Variants in LYPLAL1 observed in about 807,000 individuals in gnomAD.
LYPLAL1 encodes the protein lysophospholipase like 1, also known as lysophospholipase-like protein 1.
A neutral mutation model predicts 19.7 loss-of-function variants in LYPLAL1; 23 were observed. That is an observed-to-expected ratio of 1.17 (90% CI 0.84 to 1.65). The LOEUF (loss-of-function observed/expected upper bound fraction) is 1.65. Ranked by LOEUF, LYPLAL1 falls within the 40% of genes most tolerant of loss-of-function variation. The probability of loss-of-function intolerance (pLI) is 0.00; values close to 1 mark genes in which losing one functional copy is unlikely to be tolerated. For synonymous variants in LYPLAL1, 119 were observed against 96.3 expected, an observed-to-expected ratio of 1.24 and a Z score of -1.38; for missense variants, 355 against 279.4, an observed-to-expected ratio of 1.27 and a Z score of -1.93.
the LYPLAL1 span, among the ~76,000 whole-genome samples, chr1:219,232,153 A>G: frequency 6.6e-6 from 1 of 152,128 alleles, no homozygotes; most frequent in African/African-American, 2.4e-5. Context: ...GGTATTTTTT[A>G]CTACCTGTGT....
the LYPLAL1 span, among the ~76,000 whole-genome samples, chr1:219,251,025 A>T: frequency 6.6e-6 from 1 of 151,932 alleles, no homozygotes; most frequent in Non-Finnish European, 1.5e-5. Context: ...GTATCTCATT[A>T]TGGCTTTGAT....
chr1:219,211,309 A>T (rs1390922348), intron 4 of LYPLAL1, among the ~76,000 whole-genome samples, 183 bp from the exon 5 acceptor site: 1 of 152,084 alleles, frequency 6.6e-6, no homozygotes, highest in Non-Finnish European at 1.5e-5. Flanking sequence ...GATGCCAGGA[A>T]CCAGCTAAGT....
chr1:219,332,230 A>G, the LYPLAL1 span, among the ~76,000 whole-genome samples: 1 of 152,142 alleles, frequency 6.6e-6, no homozygotes, highest in Non-Finnish European at 1.5e-5. Context: ...ATGTGGGATA[A>G]GGGAGAGGAT....
At chr1:219,230,842 G>A in the LYPLAL1 span, among the ~76,000 whole-genome samples, 8 of 152,262 alleles carry the variant, frequency 5.3e-5, no homozygotes, top group South Asian at 2.1e-4. Flanking sequence ...ACTAGCCACC[G>A]TTCTAGCCCA....
the LYPLAL1 span, among the ~76,000 whole-genome samples, chr1:219,324,719 G>T: frequency 6.6e-6 from 1 of 152,188 alleles, no homozygotes; most frequent in Non-Finnish European, 1.5e-5. Flanking sequence ...GTGTGTGTAT[G>T]TGTGTGTTGG....
At chr1:219,429,165 G>C in the LYPLAL1 span, among the ~76,000 whole-genome samples, 2 of 152,282 alleles carry the variant, frequency 1.3e-5, no homozygotes, top group Admixed American at 1.3e-4. Context: ...GCTTTTCAGA[G>C]CTGGAAATAC....
At chr1:219,315,774 A>T in the LYPLAL1 span, among the ~76,000 whole-genome samples, 10 of 152,208 alleles carry the variant, frequency 6.6e-5, no homozygotes, top group African/African-American at 2.4e-4. Context: ...TTCAGAGACA[A>T]ATAAGGAAAC....
chr1:219,314,927 T>C, the LYPLAL1 span, among the ~76,000 whole-genome samples: 1 of 145,938 alleles, frequency 6.9e-6, no homozygotes, highest in Non-Finnish European at 1.5e-5. Context: ...GAAAACAGTG[T>C]CTTAAAAGAA....
At chr1:219,292,454 G>A in the LYPLAL1 span, among the ~76,000 whole-genome samples, 4 of 152,194 alleles carry the variant, frequency 2.6e-5, no homozygotes, top group African/African-American at 7.2e-5. Flanking sequence ...AAGCTCAAGT[G>A]CTCTCTCTGC....
the LYPLAL1 span, among the ~76,000 whole-genome samples, chr1:219,307,360 G>A: frequency 6.6e-6 from 1 of 152,202 alleles, no homozygotes; most frequent in Non-Finnish European, 1.5e-5. Context: ...ATGGTGGAAT[G>A]TGAGATGGTT....
At chr1:219,390,933 C>G in the LYPLAL1 span, among the ~76,000 whole-genome samples, 1 of 152,050 alleles carries the variant, frequency 6.6e-6, no homozygotes, top group Admixed American at 6.6e-5. Flanking sequence ...AATGTATCAC[C>G]CCTTTTCAAT....
chr1:219,194,378 A>G (rs1423133422), intron 3 of LYPLAL1, among the ~76,000 whole-genome samples: 1 of 152,018 alleles, frequency 6.6e-6, no homozygotes, highest in Non-Finnish European at 1.5e-5. Flanking sequence ...TGAATCATGT[A>G]TCATTCAGTC....
At position 219,193,068 on chromosome 1, in the gene LYPLAL1, C is replaced by T. The variant is rs753006048; in HGVS notation, c.192-14C>T. ...TCCTTTCTTTTTTTTTGGGGGGGGG[C>T]GGTTGTTAAACAGATCATATACTCC... On this transcript the variant is annotated splice_polypyrimidine_tract_variant and intron_variant, in intron 2 of 4. Coordinates refer to ENST00000366928, the MANE Select transcript of LYPLAL1 (RefSeq NM_138794.5). 22 of 1,315,296 alleles carry T rather than the reference C, an allele frequency of 1.7e-5. No individual in the cohort carries two copies. Among genetic ancestry groups the T allele is most frequent in the South Asian group, 8.4e-5 (5 of 59,440 alleles). The allele number at this position is 1,315,296 out of a possible 1,614,324, so 81.5% of individuals were successfully genotyped here.
chr1:219,209,617 AT>A (rs1170018797), intron 3 of LYPLAL1, among the ~76,000 whole-genome samples: 3 of 152,222 alleles, frequency 2.0e-5, no homozygotes, highest in African/African-American at 7.2e-5. Context: ...ATATTTTTGT[AT>A]TTCTATGAGT....
At chr1:219,383,383 G>A in the LYPLAL1 span, among the ~76,000 whole-genome samples, 1 of 152,214 alleles carries the variant, frequency 6.6e-6, no homozygotes. Context: ...GAGAAATGTA[G>A]TGGCATATTT....
At chr1:219,205,319 T>TGCAGTCC (rs765743514) in intron 3 of LYPLAL1, among the ~76,000 whole-genome samples, 198 of 141,620 alleles carry the variant, frequency 1.4e-3, no homozygotes, top group East Asian at 1.5e-3. Flanking sequence ...ATTGCGCCAC[T>TGCAGTCC]GCAGTCCGCA....
intron 2 of LYPLAL1, among the ~76,000 whole-genome samples, chr1:219,191,083 A>C (rs563082714): frequency 6.6e-6 from 1 of 151,700 alleles, no homozygotes; most frequent in East Asian, 1.9e-4. Flanking sequence ...GATACTCTTA[A>C]ATGGTAACAT....
At chr1:219,232,930 C>T in the LYPLAL1 span, among the ~76,000 whole-genome samples, 1 of 150,152 alleles carries the variant, frequency 6.7e-6, no homozygotes, top group East Asian at 1.9e-4. Flanking sequence ...CCCTTGTGAA[C>T]TGTTGTGATG....
the LYPLAL1 span, among the ~76,000 whole-genome samples, chr1:219,244,492 T>C: frequency 1.3e-5 from 2 of 152,116 alleles, no homozygotes; most frequent in Non-Finnish European, 1.5e-5. Context: ...GAGACAGGTG[T>C]CGGAAGCATC....
Sources: allele counts gnomAD v4.1 joint callset (sites outside exome capture counted in the v4.1 genomes callset), GRCh38; gene constraint gnomAD v4.1.1; transcripts MANE v1.5; gene names NCBI Gene and HGNC (gene_info 2026-07-23, HGNC 2026-07-21).